Variants in RGPD6 observed in about 807,000 individuals in gnomAD.
RGPD6 encodes the protein RANBP2-like and GRIP domain-containing protein 5/6.
chr2:110,610,520 G>A, the RGPD6 span, among the ~76,000 whole-genome samples: 1 of 151,662 alleles, frequency 6.6e-6, no homozygotes, highest in Non-Finnish European at 1.5e-5. Context: ...CAGGAGAGGG[G>A]GAAACAGACG....
chr2:110,610,593 A>ACCCAC, the RGPD6 span, among the ~76,000 whole-genome samples: 2 of 123,474 alleles, frequency 1.6e-5, no homozygotes, highest in South Asian at 2.9e-4. Flanking sequence ...GGCGCCCCCG[A>ACCCAC]CCCACCCCAC....
At chr2:110,596,211 T>TA in the RGPD6 span, among the ~76,000 whole-genome samples, 1 of 87,556 alleles carries the variant, frequency 1.1e-5, no homozygotes, top group African/African-American at 4.9e-5. Flanking sequence ...TAAGATTTTT[T>TA]AAAAAAACAT....
chr2:110,610,768 G>C, the RGPD6 span: 1 of 1,128,620 alleles, frequency 8.9e-7, no homozygotes. Context: ...AGCTGTCCAT[G>C]GTGGGAGGTG....
At chr2:110,600,812 G>A in the RGPD6 span, among the ~76,000 whole-genome samples, 1 of 101,290 alleles carries the variant, frequency 9.9e-6, no homozygotes, top group African/African-American at 3.3e-5. Context: ...TTAGCAATGG[G>A]GAGCAGCTGT....
the RGPD6 span, among the ~76,000 whole-genome samples, chr2:110,604,669 C>T: frequency 1.3e-5 from 2 of 150,930 alleles, no homozygotes; most frequent in Non-Finnish European, 2.9e-5. Flanking sequence ...GACTTTATTC[C>T]CAAAAATTAA....
the RGPD6 span, among the ~76,000 whole-genome samples, chr2:110,599,111 C>G: frequency 6.8e-6 from 1 of 147,260 alleles, no homozygotes; most frequent in East Asian, 2.0e-4. Context: ...AGGAAATCAT[C>G]CCTAAAATAC....
At chr2:110,605,531 G>A in the RGPD6 span, among the ~76,000 whole-genome samples, 1 of 151,192 alleles carries the variant, frequency 6.6e-6, no homozygotes, top group Admixed American at 6.6e-5. Flanking sequence ...TAAAATGTTT[G>A]CTTTACTGCA....
the RGPD6 span, among the ~76,000 whole-genome samples, chr2:110,596,937 A>AT: frequency 3.3e-5 from 4 of 120,746 alleles, no homozygotes; most frequent in African/African-American, 1.4e-4. Context: ...TATATTATAT[A>AT]TATTTTATAT....
At chr2:110,611,016 G>A in the RGPD6 span, 2 of 964,314 alleles carry the variant, frequency 2.1e-6, no homozygotes, top group South Asian at 4.7e-5. Flanking sequence ...ACACTCAAGA[G>A]AGAGCAGCGA....
At chr2:110,610,696 G>A in the RGPD6 span, among the ~76,000 whole-genome samples, 264 of 142,974 alleles carry the variant, frequency 1.8e-3, 6 homozygotes, top group East Asian at 0.052. Flanking sequence ...CGCCCGAAGC[G>A]GCCGGCACGG....
chr2:110,606,237 T>C, the RGPD6 span, among the ~76,000 whole-genome samples: 7 of 146,544 alleles, frequency 4.8e-5, no homozygotes, highest in Admixed American at 4.7e-4. Context: ...CGTGTATTTG[T>C]TACTGGGGGT....
At chr2:110,604,541 C>G in the RGPD6 span, among the ~76,000 whole-genome samples, 2 of 149,476 alleles carry the variant, frequency 1.3e-5, no homozygotes, top group Non-Finnish European at 3.0e-5. Context: ...CAAAAGGGAA[C>G]AGCCAACATT....
chr2:110,589,086 T>C, the RGPD6 span, among the ~76,000 whole-genome samples: 1 of 73,144 alleles, frequency 1.4e-5, no homozygotes, highest in African/African-American at 7.0e-5. Context: ...CATGCCTGTA[T>C]TCCTAGAACT....
the RGPD6 span, chr2:110,610,941 TCCGGGCCGG>T: frequency 1.4e-6 from 1 of 702,006 alleles, no homozygotes; most frequent in Non-Finnish European, 1.7e-6. Flanking sequence ...CGCCCCCGAC[TCCGGGCCGG>T]CCGGGCTGGC....
chr2:110,601,051 C>T, the RGPD6 span, among the ~76,000 whole-genome samples: 1 of 151,900 alleles, frequency 6.6e-6, no homozygotes, highest in Admixed American at 6.5e-5. Context: ...CTGCTTCTTC[C>T]CAGGATGCTC....
At chr2:110,600,112 G>A in the RGPD6 span, among the ~76,000 whole-genome samples, 421 of 150,840 alleles carry the variant, frequency 2.8e-3, no homozygotes, top group African/African-American at 9.7e-3. Context: ...GATCACTGGT[G>A]CTCAGGCAGA....
In RGPD6 at chr2:110,577,011, T is replaced by A; in HGVS notation, c.14A>T (p.Lys5Met). The change falls in exon 1 of 23, where the codon AAG becomes ATG. Residue 5 changes from lysine (K) to methionine (M), a missense_variant. Coordinates refer to ENST00000329516, the MANE Select transcript of RGPD6 (RefSeq NM_001123363.4). The stretch of plus-strand genomic sequence containing the variant: ...GGCGACGTACCGCTCCACATCGGCC[T>A]TGCTGCGCCTCATCGCGCCGCCAAC... MRRS[K>M]ADVERYVASV... 1.7e-6 allele frequency: 1 copy of A among 586,120 alleles called. No individual in the cohort carries two copies. Among genetic ancestry groups the A allele is most frequent in the Non-Finnish European group, 2.0e-6 (1 of 494,710 alleles). The allele number at this position is 586,120 out of a possible 1,614,324, so 36.3% of individuals were successfully genotyped here. A position where few individuals can be genotyped will look rare whatever the true frequency, so the allele number is the denominator to read the frequency against.
At chr2:110,591,764 C>T in the RGPD6 span, among the ~76,000 whole-genome samples, 2 of 151,082 alleles carry the variant, frequency 1.3e-5, no homozygotes, top group East Asian at 3.9e-4. Context: ...CACTCTCAGC[C>T]TGTTACCATT....
chr2:110,604,403 CT>C, the RGPD6 span, among the ~76,000 whole-genome samples: 1 of 146,108 alleles, frequency 6.8e-6, no homozygotes, highest in South Asian at 2.3e-4. Context: ...AGTCTAAGTG[CT>C]GTCATTTTAT....
Sources: allele counts gnomAD v4.1 joint callset (sites outside exome capture counted in the v4.1 genomes callset), GRCh38; gene constraint gnomAD v4.1.1; transcripts MANE v1.5; gene names NCBI Gene and HGNC (gene_info 2026-07-23, HGNC 2026-07-21).